Variants in CD300A observed in about 807,000 individuals in gnomAD.
CD300A encodes CMRF35-like molecule 8.
In CD300A, 22 loss-of-function variants were observed where a neutral mutation model predicts 33.6. The ratio of observed to expected loss-of-function variants is 0.66; its 90% CI spans 0.47 to 0.94. The LOEUF is 0.94. Ranked by LOEUF, CD300A falls within the 40% of genes least tolerant of loss-of-function variation. The pLI is 0.00. For synonymous variants in CD300A, 136 were observed against 148.1 expected (o/e 0.92, Z 0.59); for missense variants, 326 against 360.5 (o/e 0.90, Z 0.77).
In CD300A at chr17:74,474,624, G is replaced by T; in HGVS notation, c.472G>T (p.Ala158Ser). 1.2e-6 allele frequency: 2 copies of T among 1,614,164 alleles called. No homozygotes were observed. Among genetic ancestry groups the T allele is most frequent in the Non-Finnish European group, 1.7e-6 (2 of 1,179,986 alleles). Residue 158 changes from alanine to serine, a missense_variant, in exon 3 of 7, where the codon GCA (alanine) becomes TCA (serine). Transcript: ENST00000360141. The part of the protein sequence containing the change: ...FPPVSSTTLF[A>S]VGATHSASIQ... ...ACCTGTATCATCCACTACCCTGTTT[G>T]CAGTGGGTGCCACCCACAGTGCCAG...
chr17:74,468,114 A>G (rs1334522349), intron 1 of CD300A, among the ~76,000 whole-genome samples: 1 of 151,710 alleles, frequency 6.6e-6, no homozygotes, highest in African/African-American at 2.4e-5. Flanking sequence ...GGCTCACTGC[A>G]ACCTACGCCT....
chr17:74,481,342 CAGG>C lies in CD300A; in HGVS notation c.666+20_666+22del. 6.2e-7 allele frequency: 1 copy of C among 1,612,888 alleles called. No homozygotes were observed. The highest frequency in any genetic ancestry group is 1.1e-5 in the South Asian group (1 of 91,072). ...CCCCAAGCAGGTAAGGGGGCTTTAG[CAGG>C]AGGTGTATCAGGTGGCTGGGCGGAG... On this transcript the variant is annotated intron_variant, in intron 5 of 6. Coordinates refer to ENST00000360141, the MANE Select transcript of CD300A (RefSeq NM_007261.4).
chr17:74,468,952 AATT>A (rs141787246), intron 1 of CD300A, among the ~76,000 whole-genome samples: 1 of 151,964 alleles, frequency 6.6e-6, no homozygotes, highest in Non-Finnish European at 1.5e-5. Flanking sequence ...TATTTATAGA[AATT>A]ATTATTATTA....
At chr17:74,472,909 C>T (rs988531795) in intron 1 of CD300A, among the ~76,000 whole-genome samples, 2 of 152,152 alleles carry the variant, frequency 1.3e-5, no homozygotes, top group African/African-American at 4.8e-5. Context: ...TGTACCCAGC[C>T]AGTATTCTTG....
intron 2 of CD300A, 151 bp downstream of exon 2, chr17:74,474,025 C>G: frequency 1.3e-5 from 11 of 854,736 alleles, no homozygotes; most frequent in Non-Finnish European, 2.0e-5. Context: ...CAGGGGGTCT[C>G]TCCTGGAGCA....
At chr17:74,479,486 C>A (rs1033372749) in intron 4 of CD300A, among the ~76,000 whole-genome samples, 2 of 152,032 alleles carry the variant, frequency 1.3e-5, no homozygotes, top group African/African-American at 4.8e-5. Context: ...TGAGCTCAAG[C>A]CCAGAGTGCT....
At chr17:74,483,154 G>A (rs544411710) in intron 6 of CD300A, among the ~76,000 whole-genome samples, 2 of 152,164 alleles carry the variant, frequency 1.3e-5, no homozygotes, top group East Asian at 3.9e-4. Context: ...AAAGTGGATG[G>A]CACATGGTCT....
intron 1 of CD300A, 85 bp downstream of exon 1, chr17:74,466,828 GCCCC>G: frequency 6.5e-7 from 1 of 1,548,194 alleles, no homozygotes; most frequent in Non-Finnish European, 8.7e-7. Flanking sequence ...CACACGAGAC[GCCCC>G]GAGTCTGGAC....
chr17:74,481,713 C>G lies in CD300A; in HGVS notation c.667-13C>G. ...CTCCGTGGACACCCACCTGGGACCTCCTGCCCACCCAGGCTGCCACGCAGA... is the reference window on the plus strand; with the variant it reads ...CTCCGTGGACACCCACCTGGGACCTGCTGCCCACCCAGGCTGCCACGCAGA... On this transcript the variant is annotated splice_polypyrimidine_tract_variant and intron_variant, in intron 5 of 6. Coordinates refer to ENST00000360141, the MANE Select transcript of CD300A (RefSeq NM_007261.4). 1 of 1,594,370 alleles carries G rather than the reference C, an allele frequency of 6.3e-7. No individual in the cohort carries two copies. Among genetic ancestry groups the G allele is most frequent in the South Asian group, 1.1e-5 (1 of 88,404 alleles).
intron 1 of CD300A, among the ~76,000 whole-genome samples, chr17:74,468,617 A>G (rs1905885825): frequency 6.6e-6 from 1 of 152,100 alleles, no homozygotes; most frequent in Non-Finnish European, 1.5e-5. Flanking sequence ...ACAGGCATGA[A>G]CCACCACACC....
chr17:74,482,578 G>T (rs112743758), intron 6 of CD300A, among the ~76,000 whole-genome samples: 6,680 of 150,790 alleles, frequency 0.044, 290 homozygotes, highest in South Asian at 0.11. Context: ...GCCACTTCCG[G>T]GTCCCCTGAT....
Position 74,481,846 on chromosome 17 carries a change from G to A in CD300A, c.774+13G>A, listed in dbSNP as rs1478773679. On this transcript the variant is annotated intron_variant, in intron 6 of 6. Coordinates refer to ENST00000360141, the MANE Select transcript of CD300A (RefSeq NM_007261.4). ...ATACAGCACTGTGGTAAGTGCAGGA[G>A]CCCGGCTTTTGGGCATGCGGCCCCT... The A allele has an allele frequency of 1.3e-6, 2 of 1,595,098 alleles. No individual in the cohort carries two copies. The highest frequency in any genetic ancestry group is 1.7e-5 in the Admixed American group (1 of 57,716).
At chr17:74,477,567 G>A (rs945679686) in intron 4 of CD300A, 37 bp downstream of exon 4, 4 of 1,489,940 alleles carry the variant, frequency 2.7e-6, no homozygotes, top group African/African-American at 1.4e-5. Flanking sequence ...CCCCACCTGG[G>A]GTGGTCAGAC....
chr17:74,469,492 C>T (rs191406402), intron 1 of CD300A, among the ~76,000 whole-genome samples: 20 of 152,154 alleles, frequency 1.3e-4, no homozygotes, highest in Admixed American at 2.6e-4. Context: ...TTTATATCTG[C>T]GTCTTCTTTA....
intron 1 of CD300A, among the ~76,000 whole-genome samples, chr17:74,471,121 A>T (rs984882735): frequency 4.6e-5 from 7 of 151,982 alleles, no homozygotes; most frequent in Non-Finnish European, 8.8e-5. Context: ...TAATTTTTGT[A>T]TTTTTTTGTA....
Position 74,481,812 on chromosome 17 carries a change from G to GGA in CD300A, c.755_756dup (p.Val253ArgfsTer28). On this transcript the variant is annotated frameshift_variant, in exon 6 of 7. Transcript: ENST00000360141. LOFTEE classifies it low-confidence loss of function (END_TRUNC). ...AAAAGCCAGCACCACCAAGGGAGGT[G>GGA]GAGGTGGAATACAGCACTGTGGTAA... 6.2e-7 allele frequency: 1 copy of GGA among 1,612,086 alleles called. No homozygotes were observed. The highest frequency in any genetic ancestry group is 8.5e-7 in the Non-Finnish European group (1 of 1,179,356).
chr17:74,474,761 T>G, intron 3 of CD300A, 76 bp downstream of exon 3: 3 of 1,485,686 alleles, frequency 2.0e-6, no homozygotes, highest in Non-Finnish European at 1.8e-6. Flanking sequence ...ACCTTGGCCA[T>G]GTGGGCCAGC....
chr17:74,472,478 T>C (rs1906169130), intron 1 of CD300A, among the ~76,000 whole-genome samples: 1 of 152,168 alleles, frequency 6.6e-6, no homozygotes, highest in African/African-American at 2.4e-5. Context: ...ATCTGATAAT[T>C]ATTTGGGAAA....
intron 1 of CD300A, chr17:74,466,954 A>T: frequency 1.4e-6 from 2 of 1,424,244 alleles, no homozygotes; most frequent in South Asian, 3.0e-5. Flanking sequence ...CTCTGCACCC[A>T]CGTACCTTGG....
Sources: allele counts gnomAD v4.1 joint callset (sites outside exome capture counted in the v4.1 genomes callset), GRCh38; gene constraint gnomAD v4.1.1; transcripts MANE v1.5; gene names NCBI Gene and HGNC (gene_info 2026-07-23, HGNC 2026-07-21).